DCHS2: variants seen among roughly 807,000 people sequenced by gnomAD.
DCHS2 encodes protocadherin-23.
DCHS2 carries 142 observed loss-of-function variants against 182.4 expected under a neutral mutation model. That is an observed-to-expected ratio of 0.78 (90% CI 0.68 to 0.89). The LOEUF (loss-of-function observed/expected upper bound fraction) is 0.89, where lower values mean the gene tolerates loss of function less well. Ranked by LOEUF, DCHS2 falls within the 40% of genes least tolerant of loss-of-function variation. The pLI is 0.00. For missense variants in DCHS2, 4,319 were observed against 4,198.6 expected (o/e 1.03, Z -0.79); for synonymous variants, 1,740 against 1,663.3 (o/e 1.05, Z -1.12).
chr4:154,490,515 T>C lies in DCHS2; in HGVS notation c.841A>G (p.Ser281Gly). 6.5e-7 allele frequency: 1 copy of C among 1,537,516 alleles called. No individual in the cohort carries two copies. The highest frequency in any genetic ancestry group is 1.2e-5 in the South Asian group (1 of 83,940). The change falls in exon 1 of 20, where the codon AGC (serine) becomes GGC (glycine). Residue 281 changes from serine (S) to glycine (G), a missense_variant. By Grantham distance (56) the Ser-to-Gly change is moderately conservative. Coordinates refer to ENST00000357232, the MANE Select transcript of DCHS2 (RefSeq NM_001358235.2). ...TCATCCAGCACGCGCAGCTCCACGC[T>C]CAGGAGGCCGGTGCGCCGGGGTCGG... is the stretch of plus-strand genomic sequence containing the variant. The part of the protein sequence containing the change: ...GGRPRRTGLL[S>G]VELRVLDEND...
intron 1 of DCHS2, among the ~76,000 whole-genome samples, chr4:154,400,598 C>G (rs1732132421): frequency 6.6e-6 from 1 of 152,108 alleles, no homozygotes; most frequent in Non-Finnish European, 1.5e-5. Flanking sequence ...CTCTGAACAC[C>G]AAAAAGAAGA....
At chr4:154,344,523 C>T (rs188297718) in intron 3 of DCHS2, among the ~76,000 whole-genome samples, 18 of 152,226 alleles carry the variant, frequency 1.2e-4, no homozygotes, top group East Asian at 3.9e-4. Context: ...AAACTGAAAC[C>T]GTCCTAAGAA....
chr4:154,248,283 T>C (rs1421179550), intron 16 of DCHS2, among the ~76,000 whole-genome samples: 1 of 152,230 alleles, frequency 6.6e-6, no homozygotes, highest in Non-Finnish European at 1.5e-5. Flanking sequence ...AAAACAGTGA[T>C]ATGAATATAG....
chr4:154,323,568 C>T (rs1356007618), intron 7 of DCHS2, among the ~76,000 whole-genome samples: 1 of 152,122 alleles, frequency 6.6e-6, no homozygotes, highest in Non-Finnish European at 1.5e-5. Context: ...AAGTATAATG[C>T]AAGTTGACAT....
In DCHS2 at chr4:154,298,045, G is replaced by A. The variant is rs777718251; in HGVS notation, c.6269C>T (p.Thr2090Ile). 4.3e-6 allele frequency: 7 copies of A among 1,613,930 alleles called. No individual in the cohort carries two copies. The highest frequency in any genetic ancestry group is 1.3e-5 in the African/African-American group (1 of 74,910). The change falls in exon 13 of 20, where the codon ACA becomes ATA. Residue 2090 changes from threonine (T) to isoleucine (I), a missense_variant. Physicochemically the swap from Thr to Ile is moderately conservative, Grantham distance 89 (BLOSUM62 -1). Transcript: ENST00000357232. ...ATTTTGCTGAAATTGAATTTCTCCT[G>A]TGTATTTATCAATAGAAAACATTGA... ...TQSMFSIDKY[T>I]GEIQFQQNPS... is the part of the protein sequence containing the mutation.
intron 13 of DCHS2, among the ~76,000 whole-genome samples, chr4:154,296,208 G>C (rs1578929160): frequency 6.6e-6 from 1 of 152,168 alleles, no homozygotes; most frequent in Admixed American, 6.5e-5. Context: ...CTGGTTTCTA[G>C]GAGATTCATT....
rs539739681 is a variant in DCHS2, at chr4:154,296,131, CTA to C, written c.6463+1718_6463+1719del. On this transcript the variant is annotated intron_variant, in intron 13 of 19. Coordinates refer to ENST00000357232, the MANE Select transcript of DCHS2 (RefSeq NM_001358235.2). ...AGTTGTGAATAGTCCACATCATGGACTATGATTGCTGATTCATTCTTATCATG... is the reference window on the plus strand; with the variant it reads ...AGTTGTGAATAGTCCACATCATGGACTGATTGCTGATTCATTCTTATCATG... Among the ~76,000 whole-genome samples, 275 of 152,232 alleles carry C rather than the reference CTA, an allele frequency of 1.8e-3. 1 individual carries two copies. Among genetic ancestry groups the C allele is most frequent in the African/African-American group, 6.2e-3 (259 of 41,534 alleles).
At chr4:154,277,307 T>C (rs56252981) in intron 13 of DCHS2, among the ~76,000 whole-genome samples, 29,743 of 152,084 alleles carry the variant, frequency 0.2, 5,130 homozygotes, top group African/African-American at 0.46. Context: ...AGAATACTGA[T>C]GGGGAGCCAG....
At chr4:154,477,511 C>T (rs1460093441) in intron 1 of DCHS2, among the ~76,000 whole-genome samples, 2 of 152,150 alleles carry the variant, frequency 1.3e-5, no homozygotes, top group African/African-American at 4.8e-5. Context: ...GAGAGGCAGG[C>T]AGAATGGATT....
At chr4:154,393,886 A>C (rs1731817419) in intron 1 of DCHS2, among the ~76,000 whole-genome samples, 1 of 152,182 alleles carries the variant, frequency 6.6e-6, no homozygotes, top group African/African-American at 2.4e-5. Flanking sequence ...ACAAACCATC[A>C]AGTAATAATA....
chr4:154,288,386 T>C (rs1041095557), intron 13 of DCHS2, among the ~76,000 whole-genome samples: 2 of 152,150 alleles, frequency 1.3e-5, no homozygotes, highest in Admixed American at 6.5e-5. Context: ...TAAATATATA[T>C]GCACCCACCA....
chr4:154,313,514 G>A (rs895399989), intron 10 of DCHS2, among the ~76,000 whole-genome samples: 5 of 151,812 alleles, frequency 3.3e-5, no homozygotes, highest in Non-Finnish European at 5.9e-5. Context: ...AAAAAAATAC[G>A]TACTATAAAG....
intron 14 of DCHS2, among the ~76,000 whole-genome samples, chr4:154,260,357 G>T (rs1578873629): frequency 6.6e-6 from 1 of 152,162 alleles, no homozygotes; most frequent in Non-Finnish European, 1.5e-5. Context: ...TGTCTGGAAA[G>T]TCTATCTTTC....
chr4:154,277,670 C>CA lies in DCHS2; in HGVS notation c.6464-7658dup, dbSNP rs562040712. On this transcript the variant is annotated intron_variant, in intron 13 of 19. Coordinates refer to ENST00000357232, the MANE Select transcript of DCHS2 (RefSeq NM_001358235.2). ...AAAGACAATAAGGAATATGGAGAAACAAAAAATGGCTGAATCAATGGAATA... is the reference window on the plus strand; with the variant it reads ...AAAGACAATAAGGAATATGGAGAAACAAAAAAATGGCTGAATCAATGGAATA... Among the ~76,000 whole-genome samples, 10 of 139,426 alleles carry CA rather than the reference C, an allele frequency of 7.2e-5. No individual in the cohort carries two copies. In the South Asian group the frequency reaches 2.1e-3, roughly 29 times the overall value. The allele number at this position is 139,426 out of a possible 152,430, so 91.5% of individuals were successfully genotyped here.
chr4:154,356,242 A>G (rs866151310), intron 3 of DCHS2, among the ~76,000 whole-genome samples: 11 of 152,150 alleles, frequency 7.2e-5, no homozygotes, highest in African/African-American at 2.2e-4. Context: ...AATTAAAAAC[A>G]AAGAAAAGCT....
intron 16 of DCHS2, among the ~76,000 whole-genome samples, chr4:154,251,941 T>G (rs7675669): frequency 0.024 from 3,662 of 151,872 alleles, 160 homozygotes; most frequent in African/African-American, 0.081. Flanking sequence ...TTAATGCCTA[T>G]TTTATAATTT....
intron 1 of DCHS2, among the ~76,000 whole-genome samples, chr4:154,409,595 C>A (rs916077605): frequency 3.3e-5 from 5 of 152,080 alleles, no homozygotes; most frequent in African/African-American, 1.2e-4. Context: ...TCCAAACATG[C>A]CTTGGAGACT....
chr4:154,483,004 G>C (rs900280415), intron 1 of DCHS2, among the ~76,000 whole-genome samples: 4 of 152,168 alleles, frequency 2.6e-5, no homozygotes, highest in Non-Finnish European at 4.4e-5. Flanking sequence ...TTGAGGGCCT[G>C]GCTGATATTA....
intron 16 of DCHS2, among the ~76,000 whole-genome samples, chr4:154,251,372 CCTCT>C (rs1236441364): frequency 6.7e-6 from 1 of 150,156 alleles, no homozygotes; most frequent in Non-Finnish European, 1.5e-5. Context: ...AACCACTTTA[CCTCT>C]CTGAGTTCCC....
Sources: gnomAD v4.1 joint callset for allele counts (sites outside exome capture counted in the v4.1 genomes callset) on GRCh38, gnomAD v4.1.1 for gene constraint, MANE v1.5 for transcripts, NCBI Gene and HGNC (gene_info 2026-07-23, HGNC 2026-07-21) for gene names.